The following IL17RC variants were observed in gnomAD, a reference collection of about 807,000 sequenced individuals.
IL17RC encodes interleukin 17 receptor C, also known as interleukin-17 receptor C.
A neutral mutation model predicts 86.7 loss-of-function variants in IL17RC; 53 were observed. The observed-to-expected ratio is 0.61, with a 90% confidence interval of 0.49 to 0.77. The LOEUF is 0.77. IL17RC is among the 30% of genes least tolerant of loss of function. The pLI is 0.00. For missense variants in IL17RC, 957 were observed against 940.0 expected, an observed-to-expected ratio of 1.02 and a Z score of -0.24; for synonymous variants, 439 against 413.1, an observed-to-expected ratio of 1.06 and a Z score of -0.76.
In IL17RC at chr3:9,917,451, A is replaced by G. The variant is rs1342769714; in HGVS notation, c.105+31A>G. The G allele has an allele frequency of 1.9e-6, 3 of 1,614,192 alleles. No individual in the cohort carries two copies. The highest frequency in any genetic ancestry group is 3.3e-5 in the Admixed American group (2 of 60,024). Reference sequence around the variant, plus strand: ...TCTGGAACCCTGGGGAGACGAGGAAAGGCTCAGGGTTCAGTTTTTGGCTCA... The same window carrying G: ...TCTGGAACCCTGGGGAGACGAGGAAGGGCTCAGGGTTCAGTTTTTGGCTCA... On this transcript the variant is annotated intron_variant, in intron 1 of 18. Coordinates refer to ENST00000403601, the MANE Select transcript of IL17RC (RefSeq NM_153460.4).
rs2083278135 is a variant in IL17RC, at chr3:9,918,372, A to G, written c.318A>G (p.Gly106=). ...WEEPEDEEKF[G]GAADSGVEEP... is the part of the protein sequence containing the mutation. The stretch of plus-strand genomic sequence containing the variant: ...AGCCTGAAGATGAGGAAAAGTTTGG[A>G]GGAGCAGCTGACTCAGGGGTGGAGG... Residue 106 remains glycine, a synonymous_variant, in exon 4 of 19, where the codon GGA becomes GGG. Coordinates refer to ENST00000403601, the MANE Select transcript of IL17RC (RefSeq NM_153460.4). 3.1e-6 allele frequency: 5 copies of G among 1,606,454 alleles called. No homozygotes were observed. The highest frequency in any genetic ancestry group is 3.4e-6 in the Non-Finnish European group (4 of 1,176,400).
At chr3:9,921,043 T>C in intron 7 of IL17RC, 74 bp downstream of exon 7, 2 of 882,210 alleles carry the variant, frequency 2.3e-6, no homozygotes, top group African/African-American at 1.7e-5. Flanking sequence ...TGGAGTCCAC[T>C]TCAGATATGG....
At chr3:9,924,381 A>G in intron 9 of IL17RC, 90 bp downstream of exon 9, 2 of 1,351,728 alleles carry the variant, frequency 1.5e-6, no homozygotes, top group Non-Finnish European at 2.1e-6. Context: ...CCATTCTTCA[A>G]ACCCTTCATT....
At chr3:9,920,645 T>A in intron 6 of IL17RC, 43 bp downstream of exon 6, 1 of 1,308,652 alleles carries the variant, frequency 7.6e-7, no homozygotes, top group Non-Finnish European at 1.1e-6. Flanking sequence ...CTCTGTCCCC[T>A]CTGGCCATTC....
chr3:9,927,449 T>G (rs1012667611), intron 9 of IL17RC, among the ~76,000 whole-genome samples: 1 of 152,084 alleles, frequency 6.6e-6, no homozygotes, highest in Non-Finnish European at 1.5e-5. Flanking sequence ...TCCCTGCTAC[T>G]TGGGAAGCTG....
At position 9,933,526 on chromosome 3, in the gene IL17RC, C is replaced by T. The variant is rs1276617323; in HGVS notation, c.2096C>T (p.Pro699Leu). Reference sequence around the variant, plus strand: ...GCCCTGGATAGCTACTTCCATCCCCCGGGGACTCCCGCGCCGGGACGCGGG... The same window carrying T: ...GCCCTGGATAGCTACTTCCATCCCCTGGGGACTCCCGCGCCGGGACGCGGG... Reference protein sequence around the residue: ...QPALDSYFHPPGTPAPGRGVG... With the variant: ...QPALDSYFHPLGTPAPGRGVG... Residue 699 changes from proline to leucine, a missense_variant, in exon 19 of 19, where the codon CCG becomes CTG. Pro to Leu is a moderately conservative substitution (Grantham distance 98). Transcript: ENST00000403601. 5 of 1,607,430 alleles carry T rather than the reference C, an allele frequency of 3.1e-6. No homozygotes were observed. The highest frequency in any genetic ancestry group is 2.5e-6 in the Non-Finnish European group (3 of 1,177,452).
chr3:9,923,829 T>G (rs960535272), intron 7 of IL17RC, 52 bp from the exon 8 acceptor site: 3 of 1,598,624 alleles, frequency 1.9e-6, no homozygotes, highest in Non-Finnish European at 2.6e-6. Context: ...CAGTCGGGGA[T>G]GCAGAAGAGG....
Position 9,933,309 on chromosome 3 carries a change from G to A in IL17RC, c.1879G>A (p.Gly627Ser), listed in dbSNP as rs758552570. ...LPDFLQGRAP[G>S]SYVGACFDRL... is the part of the protein sequence containing the mutation. ...CGACTTCTTGCAGGGCCGGGCGCCC[G>A]GCAGCTACGTGGGGGCCTGCTTCGA... The change falls in exon 19 of 19, where the codon GGC (glycine) becomes AGC (serine). Residue 627 changes from glycine to serine, a missense_variant. Coordinates refer to ENST00000403601, the MANE Select transcript of IL17RC (RefSeq NM_153460.4). 1.9e-6 allele frequency: 3 copies of A among 1,605,432 alleles called. No homozygotes were observed. The highest frequency in any genetic ancestry group is 3.4e-5 in the Admixed American group (2 of 59,090).
chr3:9,917,490 C>T lies in IL17RC; in HGVS notation c.105+70C>T, dbSNP rs1390014212. On this transcript the variant is annotated intron_variant, in intron 1 of 18. Transcript: ENST00000403601. ...GTTTTTGGCTCAGCAAAGCCTTAGC[C>T]TGGCTCCTGTCACTGCTGCCACTGC... 3 of 1,614,104 alleles carry T rather than the reference C, an allele frequency of 1.9e-6. No individual in the cohort carries two copies. Among genetic ancestry groups the T allele is most frequent in the African/African-American group, 2.7e-5 (2 of 74,940 alleles).
intron 7 of IL17RC, among the ~76,000 whole-genome samples, chr3:9,923,251 A>G (rs1357500604): frequency 5.3e-5 from 8 of 151,006 alleles, no homozygotes; most frequent in Admixed American, 5.3e-4. Context: ...CAGAGTTATT[A>G]AGGACACAAA....
chr3:9,932,084 A>G (rs552176549), intron 16 of IL17RC, among the ~76,000 whole-genome samples: 14 of 152,258 alleles, frequency 9.2e-5, no homozygotes, highest in African/African-American at 3.1e-4. Context: ...ACCCTATGAC[A>G]CAGGTACAAC....
Position 9,930,307 on chromosome 3 carries a change from C to T in IL17RC, c.1279-93C>T, listed in dbSNP as rs532690375. 116 of 1,543,882 alleles carry T rather than the reference C, an allele frequency of 7.5e-5. 1 individual carries two copies. In the South Asian group the frequency reaches 1.2e-3, roughly 16 times the overall value. ...CGGCATCACCAAAGTCTCCCAGTCC[C>T]CTCTACCTCATTCTACCCAGCTGTA... On this transcript the variant is annotated intron_variant, in intron 14 of 18. Coordinates refer to ENST00000403601, the MANE Select transcript of IL17RC (RefSeq NM_153460.4). This position sits in a 1 kb window ranked among gnomAD's most constrained non-coding sequence, Gnocchi z 5.8.
At chr3:9,923,746 C>G (rs2083794856) in intron 7 of IL17RC, 135 bp from the exon 8 acceptor site, 1 of 971,002 alleles carries the variant, frequency 1.0e-6, no homozygotes, top group Non-Finnish European at 1.5e-6. Flanking sequence ...AAAGTCTGGT[C>G]TGAAATGATG....
Position 9,928,452 on chromosome 3 carries a change from T to C in IL17RC, c.1025T>C (p.Val342Ala). The C allele has an allele frequency of 6.2e-7, 1 of 1,609,628 alleles. No homozygotes were observed. The highest frequency in any genetic ancestry group is 2.2e-5 in the East Asian group (1 of 44,878). Residue 342 changes from valine to alanine, a missense_variant, in exon 11 of 19, where the codon GTC becomes GCC. By Grantham distance (64) the Val-to-Ala change is moderately conservative. Coordinates refer to ENST00000403601, the MANE Select transcript of IL17RC (RefSeq NM_153460.4). ...GGTGGGGACCCCTGCCAGCCACTGG[T>C]CCCACCGCTTTCCTGGGAGAACGTC... is the stretch of plus-strand genomic sequence containing the variant. ...APGGDPCQPL[V>A]PPLSWENVTV...
At chr3:9,918,221 G>T in intron 3 of IL17RC, 114 bp from the exon 4 acceptor site, 1 of 1,307,262 alleles carries the variant, frequency 7.6e-7, no homozygotes. Context: ...GGCCAGTGTG[G>T]TCTCCCCAGC....
intron 3 of IL17RC, 90 bp downstream of exon 3, chr3:9,918,165 G>A (rs1186524165): frequency 7.0e-7 from 1 of 1,427,074 alleles, no homozygotes; most frequent in African/African-American, 1.4e-5. Flanking sequence ...AGCAGTGCTA[G>A]GCATCCTCAG....
At chr3:9,923,796 G>C in intron 7 of IL17RC, 85 bp from the exon 8 acceptor site, 1 of 1,456,816 alleles carries the variant, frequency 6.9e-7, no homozygotes, top group Non-Finnish European at 9.5e-7. Context: ...AGTCTAGGGG[G>C]TTTGAAGGAA....
chr3:9,917,459 G>C (rs774775130), intron 1 of IL17RC, 39 bp downstream of exon 1: 1 of 1,614,214 alleles, frequency 6.2e-7, no homozygotes, highest in Non-Finnish European at 8.5e-7. Context: ...AAAGGCTCAG[G>C]GTTCAGTTTT....
chr3:9,920,626 C>T (rs781386941), intron 6 of IL17RC, 24 bp downstream of exon 6: 2 of 1,481,140 alleles, frequency 1.4e-6, no homozygotes, highest in Non-Finnish European at 1.9e-6. Context: ...CAAGTCCTGG[C>T]CCCCTAGCCT....
Sources: allele counts gnomAD v4.1 joint callset (sites outside exome capture counted in the v4.1 genomes callset), GRCh38; gene constraint gnomAD v4.1.1; non-coding constraint Gnocchi (gnomAD v3.1); transcripts MANE v1.5; gene names NCBI Gene and HGNC (gene_info 2026-07-23, HGNC 2026-07-21).